Variants in FRAS1 observed in about 807,000 individuals in gnomAD.
The protein encoded by FRAS1 is Fraser extracellular matrix complex subunit 1, also known as extracellular matrix organizing protein FRAS1.
A neutral mutation model predicts 435.2 loss-of-function variants in FRAS1; 290 were observed. That is an observed-to-expected ratio of 0.67 (90% CI 0.61 to 0.73). The LOEUF is 0.73. Ranked by LOEUF, FRAS1 falls within the 30% of genes least tolerant of loss-of-function variation. The pLI is 0.00. For synonymous variants in FRAS1, 1,800 were observed against 1,851.0 expected, an observed-to-expected ratio of 0.97 and a Z score of 0.71; for missense variants, 4,860 against 5,001.5, an observed-to-expected ratio of 0.97 and a Z score of 0.85.
chr4:78,314,467 C>T (rs1390442384), intron 15 of FRAS1, among the ~76,000 whole-genome samples: 1 of 152,174 alleles, frequency 6.6e-6, no homozygotes, highest in Non-Finnish European at 1.5e-5. Flanking sequence ...GATTCATGCT[C>T]CTTGCCATGG....
chr4:78,406,607 G>A (rs1733105595), intron 30 of FRAS1, among the ~76,000 whole-genome samples: 1 of 152,168 alleles, frequency 6.6e-6, no homozygotes, highest in African/African-American at 2.4e-5. Context: ...CAATATGTGG[G>A]AATTCTTGGA....
rs1476554690 is a variant in FRAS1 at position 78,489,015 on chromosome 4, A to G, written c.8893A>G (p.Met2965Val). 3 of 1,613,774 alleles carry G rather than the reference A, an allele frequency of 1.9e-6. No individual in the cohort carries two copies. The highest frequency in any genetic ancestry group is 3.3e-5 in the Admixed American group (2 of 59,984). ...TACTCAGAGCCATTCCGCTCAGGTC[A>G]TGGAGGACTTTGAGGAGAGACAAAA... ...CYTQSHSAQVMEDFEERQNAD... is the reference protein window; with the variant it reads ...CYTQSHSAQVVEDFEERQNAD... The change falls in exon 59 of 74, where the codon ATG (methionine) becomes GTG (valine). Residue 2965 changes from methionine (M) to valine (V), a missense_variant. By Grantham distance (21) the Met-to-Val change is conservative. Transcript: ENST00000512123.
chr4:78,465,062 T>C lies in FRAS1; in HGVS notation c.7029+479T>C, dbSNP rs1367525520. Among the ~76,000 whole-genome samples the C allele has an allele frequency of 2.0e-5, 3 of 152,330 alleles. No homozygotes were observed. The South Asian group carries it at 6.2e-4, about 32-fold the overall frequency. ...GCAGTAAAACAGGGCATGTGGAGAC[T>C]AAGCTTTTATTCTCATGCTTCCAGA... On this transcript the variant is annotated intron_variant, in intron 49 of 73. Transcript: ENST00000512123.
At chr4:78,449,742 C>T (rs1718962885) in intron 44 of FRAS1, among the ~76,000 whole-genome samples, 1 of 152,118 alleles carries the variant, frequency 6.6e-6, no homozygotes, top group Non-Finnish European at 1.5e-5. Context: ...TTATGTAAAG[C>T]TATATTTTTC....
At chr4:78,288,824 A>G (rs1376909013) in intron 14 of FRAS1, among the ~76,000 whole-genome samples, 5 of 152,314 alleles carry the variant, frequency 3.3e-5, no homozygotes, top group African/African-American at 9.6e-5. Context: ...ATTTTTTGCA[A>G]TATTCATGCT....
Position 78,105,855 on chromosome 4 carries a change from G to C in FRAS1, c.108+39839G>C, listed in dbSNP as rs951849560. ...GAGGTACCGGGTTCATCTCACTAGGGAGTGCCAGACAGTGGGCGCAGGCCA... is the reference window on the plus strand; with the variant it reads ...GAGGTACCGGGTTCATCTCACTAGGCAGTGCCAGACAGTGGGCGCAGGCCA... On this transcript the variant is annotated intron_variant, in intron 2 of 73. Coordinates refer to ENST00000512123, the MANE Select transcript of FRAS1 (RefSeq NM_025074.7). Among the ~76,000 whole-genome samples the C allele has an allele frequency of 1.1e-4, 16 of 144,108 alleles. No homozygotes were observed. In the East Asian group the frequency reaches 1.8e-3, roughly 16 times the overall value. 94.5% of individuals were successfully genotyped at this position (144,108 alleles called of 152,430 possible). A position where few individuals can be genotyped will look rare whatever the true frequency, so the allele number is the denominator to read the frequency against.
At chr4:78,336,968 C>A (rs150235432) in intron 19 of FRAS1, among the ~76,000 whole-genome samples, 35 of 152,036 alleles carry the variant, frequency 2.3e-4, no homozygotes, top group Non-Finnish European at 2.5e-4. Context: ...TACACCTTAC[C>A]GTGACTCTCT....
In FRAS1 at chr4:78,081,547, G is replaced by A. The variant is rs78953987; in HGVS notation, c.108+15531G>A. ...CCATTGTTTACCTGGAAAGGAGAGG[G>A]GTAAGGGGGTGAAACCAAAAGAACA... On this transcript the variant is annotated intron_variant, in intron 2 of 73. Coordinates refer to ENST00000512123, the MANE Select transcript of FRAS1 (RefSeq NM_025074.7). Among the ~76,000 whole-genome samples, 642 of 152,148 alleles carry A rather than the reference G, an allele frequency of 4.2e-3. 6 individuals carry two copies. The highest frequency in any genetic ancestry group is 0.014 in the African/African-American group (579 of 41,522).
chr4:78,156,556 AT>A (rs1237238670), intron 2 of FRAS1, among the ~76,000 whole-genome samples: 1 of 151,982 alleles, frequency 6.6e-6, no homozygotes, highest in South Asian at 2.1e-4. Context: ...AATGGAGGTT[AT>A]TTTAGTTGTG....
chr4:78,533,412 G>A (rs1487579310), intron 70 of FRAS1, among the ~76,000 whole-genome samples: 1 of 152,210 alleles, frequency 6.6e-6, no homozygotes, highest in Non-Finnish European at 1.5e-5. Flanking sequence ...AGTCTGGCTA[G>A]ATCCCAGAAA....
intron 6 of FRAS1, among the ~76,000 whole-genome samples, chr4:78,262,337 T>C (rs1291221442): frequency 1.3e-5 from 2 of 152,144 alleles, no homozygotes; most frequent in Non-Finnish European, 2.9e-5. Context: ...TTGTTTGACA[T>C]CATGGGCTCT....
intron 2 of FRAS1, among the ~76,000 whole-genome samples, chr4:78,068,072 A>G (rs570091443): frequency 1.3e-5 from 2 of 152,260 alleles, no homozygotes; most frequent in Admixed American, 1.3e-4. Flanking sequence ...TTACAATAAT[A>G]AAATTATTAA....
At chr4:78,293,886 A>G (rs1728021804) in intron 14 of FRAS1, among the ~76,000 whole-genome samples, 1 of 152,238 alleles carries the variant, frequency 6.6e-6, no homozygotes, top group Non-Finnish European at 1.5e-5. Context: ...TGTGTATGCC[A>G]GAAGACAAAT....
At chr4:78,357,013 C>T (rs1163481633) in intron 20 of FRAS1, among the ~76,000 whole-genome samples, 1 of 152,124 alleles carries the variant, frequency 6.6e-6, no homozygotes, top group East Asian at 1.9e-4. Context: ...TTTGTGTGTT[C>T]TTTAAGATCC....
chr4:78,368,699 T>C (rs532952899), intron 22 of FRAS1, among the ~76,000 whole-genome samples: 18 of 152,284 alleles, frequency 1.2e-4, no homozygotes, highest in Admixed American at 1.0e-3. Context: ...ATGAAAAACA[T>C]GTAGAGCATG....
chr4:78,058,402 C>A (rs1051968604), intron 1 of FRAS1, among the ~76,000 whole-genome samples: 17 of 152,218 alleles, frequency 1.1e-4, no homozygotes, highest in South Asian at 2.1e-4. Flanking sequence ...ACCTACCTTT[C>A]CCCGAAGGGA....
intron 50 of FRAS1, among the ~76,000 whole-genome samples, chr4:78,468,303 G>C (rs1397358666): frequency 6.6e-6 from 1 of 152,092 alleles, no homozygotes; most frequent in African/African-American, 2.4e-5. Context: ...TATCCTAAAA[G>C]ATACTCATTT....
intron 18 of FRAS1, among the ~76,000 whole-genome samples, chr4:78,329,973 A>C (rs542415461): frequency 5.9e-5 from 9 of 152,310 alleles, no homozygotes; most frequent in African/African-American, 2.2e-4. Context: ...GTGCCGGAAC[A>C]GTCAAAGAAT....
At chr4:78,067,998 C>G (rs1740137138) in intron 2 of FRAS1, among the ~76,000 whole-genome samples, 1 of 151,700 alleles carries the variant, frequency 6.6e-6, no homozygotes, top group Non-Finnish European at 1.5e-5. Context: ...GTTTCTGAAC[C>G]TCTTCAAGCC....
Sources: gnomAD v4.1 joint callset for allele counts (sites outside exome capture counted in the v4.1 genomes callset) on GRCh38, gnomAD v4.1.1 for gene constraint, MANE v1.5 for transcripts, NCBI Gene and HGNC (gene_info 2026-07-23, HGNC 2026-07-21) for gene names.